ITFG2: variants seen among roughly 807,000 people sequenced by gnomAD.
ITFG2 encodes the protein KICSTOR complex protein ITFG2.
A neutral mutation model predicts 54.4 loss-of-function variants in ITFG2; 36 were observed. That is an observed-to-expected ratio of 0.66 (90% CI 0.51 to 0.87). The LOEUF (loss-of-function observed/expected upper bound fraction) is 0.87. ITFG2 is among the 40% of genes least tolerant of loss of function. ITFG2 has a pLI of 0.00. For missense variants in ITFG2, 524 were observed against 576.7 expected (o/e 0.91, Z 0.94); for synonymous variants, 211 against 225.4 (o/e 0.94, Z 0.57).
At chr12:2,856,450 C>T (rs1378735850) in intron 2 of ITFG2, among the ~76,000 whole-genome samples, 1 of 152,164 alleles carries the variant, frequency 6.6e-6, no homozygotes. Context: ...ACTGCAACCT[C>T]CACCTCCCGG....
At chr12:2,830,572 G>A (rs2097996388) in intron 2 of ITFG2, 3 of 913,700 alleles carry the variant, frequency 3.3e-6, no homozygotes, top group Non-Finnish European at 3.3e-6. Flanking sequence ...GAGGATCCTG[G>A]TTAGGTCCAG....
chr12:2,837,637 C>CA (rs914551389), intron 1 of ITFG2, among the ~76,000 whole-genome samples: 82 of 145,824 alleles, frequency 5.6e-4, no homozygotes, highest in Middle Eastern at 6.9e-3. Context: ...AACTCCGTCT[C>CA]AAAAAAAAAA....
Position 2,818,090 on chromosome 12 carries a change from C to T in ITFG2, c.235-16C>T. ...CCCTCCCCAGTCCATCTCTACTATA[C>T]CTCTGTTTGTCCTAGAACCTGTTGG... On this transcript the variant is annotated splice_polypyrimidine_tract_variant and intron_variant, in intron 3 of 11. Coordinates refer to ENST00000228799, the MANE Select transcript of ITFG2 (RefSeq NM_018463.4). The T allele has an allele frequency of 1.2e-6, 2 of 1,613,456 alleles. No individual in the cohort carries two copies. Among genetic ancestry groups the T allele is most frequent in the South Asian group, 1.1e-5 (1 of 91,080 alleles).
intron 2 of ITFG2, among the ~76,000 whole-genome samples, chr12:2,846,235 C>T (rs552619238): frequency 2.0e-5 from 3 of 152,314 alleles, no homozygotes; most frequent in African/African-American, 7.2e-5. Context: ...CTGGGAGCTT[C>T]TGGGTGGGCA....
At chr12:2,844,569 ATAAAT>A (rs1399131753) in intron 2 of ITFG2, among the ~76,000 whole-genome samples, 1 of 152,198 alleles carries the variant, frequency 6.6e-6, no homozygotes, top group Non-Finnish European at 1.5e-5. Flanking sequence ...AATAATTATA[ATAAAT>A]TAAATAATAG....
upstream of ITFG2, among the ~76,000 whole-genome samples, chr12:2,834,000 G>A (rs933815725): frequency 2.6e-5 from 4 of 152,260 alleles, no homozygotes; most frequent in East Asian, 1.9e-4. Context: ...GTTTTCCGCC[G>A]CCCACTCACA....
At chr12:2,813,827 C>T (rs2097915174) in intron 1 of ITFG2, among the ~76,000 whole-genome samples, 1 of 152,136 alleles carries the variant, frequency 6.6e-6, no homozygotes, top group Admixed American at 6.6e-5. Flanking sequence ...TCTACCCTCT[C>T]TGGGGAGGAA....
At chr12:2,839,799 T>C (rs1190143212) in intron 1 of ITFG2, among the ~76,000 whole-genome samples, 1 of 152,210 alleles carries the variant, frequency 6.6e-6, no homozygotes, top group Non-Finnish European at 1.5e-5. Flanking sequence ...TCATGTCCTC[T>C]GCAGCAACAT....
chr12:2,835,110 G>A (rs559476081), upstream of ITFG2: 21 of 1,434,272 alleles, frequency 1.5e-5, no homozygotes, highest in South Asian at 1.0e-4. Context: ...TGACTTGGCC[G>A]CATCCCCAAC....
chr12:2,848,816 A>T (rs1161263696), intron 2 of ITFG2, among the ~76,000 whole-genome samples: 1 of 151,818 alleles, frequency 6.6e-6, no homozygotes, highest in Admixed American at 6.6e-5. Context: ...GAGTGGAGAT[A>T]GCTTCTTCTT....
At chr12:2,830,251 G>T (rs1443496253) in intron 2 of ITFG2, 1 of 152,884 alleles carries the variant, frequency 6.5e-6, no homozygotes, top group African/African-American at 2.4e-5. Flanking sequence ...AGCAAGAAGA[G>T]CAATCCACAT....
chr12:2,854,818 G>C (rs1287497686), intron 2 of ITFG2: 2 of 1,403,648 alleles, frequency 1.4e-6, no homozygotes, highest in South Asian at 1.4e-5. Context: ...GTCCCGGTTA[G>C]AAACAGGAAC....
chr12:2,827,363 CT>C, downstream of ITFG2: 1 of 1,556,240 alleles, frequency 6.4e-7, no homozygotes. The surrounding 1 kb of genome is among the most constrained non-coding windows in gnomAD (Gnocchi z 4.0). Flanking sequence ...CGGCCTGCTC[CT>C]TTTGTTCCCC....
At chr12:2,840,884 C>T (rs10848711) in exon 2 of ITFG2, 35,015 of 152,210 alleles carry the variant, frequency 0.23, 5,331 homozygotes, top group African/African-American at 0.43. Context: ...AGTGGTGGAG[C>T]TGAGCTGGGC....
intron 2 of ITFG2, among the ~76,000 whole-genome samples, chr12:2,856,095 A>T (rs925752809): frequency 4.6e-5 from 7 of 152,054 alleles, no homozygotes; most frequent in Admixed American, 1.3e-4. Context: ...TGTGCTAAAT[A>T]CTTACATGGA....
chr12:2,825,760 C>T (rs977053253), downstream of ITFG2: 4 of 152,280 alleles, frequency 2.6e-5, no homozygotes, highest in African/African-American at 4.8e-5. Flanking sequence ...TCTTTCTCTG[C>T]TCCTTTTTTG....
At chr12:2,825,234 A>G (rs1181121982), downstream of ITFG2, 2 of 152,240 alleles carry the variant, frequency 1.3e-5, no homozygotes, top group East Asian at 1.9e-4. Flanking sequence ...CCCTAGTCAG[A>G]TGGGTCAGCC....
At chr12:2,848,896 C>G (rs1376898903) in intron 2 of ITFG2, 1 of 339,674 alleles carries the variant, frequency 2.9e-6, no homozygotes, top group Non-Finnish European at 5.4e-6. Context: ...CACACACACA[C>G]ACACACACAC....
At position 2,823,724 on chromosome 12, in the gene ITFG2, G is replaced by A. The variant is rs760021594; in HGVS notation, c.1067-46G>A. On this transcript the variant is annotated intron_variant, in intron 10 of 11. Transcript: ENST00000228799. ...GTCTTGCTGTCTGCCCCCCACTGTC[G>A]GCACTGAAACTTCCTGACCTTTATC... 20 of 1,505,502 alleles carry A rather than the reference G, an allele frequency of 1.3e-5. No homozygotes were observed. In the African/African-American group the frequency reaches 1.4e-4, roughly 10 times the overall value. 93.3% of individuals were successfully genotyped at this position (1,505,502 alleles called of 1,614,324 possible). A position where few individuals can be genotyped will look rare whatever the true frequency, so the allele number is the denominator to read the frequency against.
Sources: gnomAD v4.1 joint callset for allele counts (sites outside exome capture counted in the v4.1 genomes callset) on GRCh38, gnomAD v4.1.1 for gene constraint, Gnocchi (gnomAD v3.1) non-coding constraint, MANE v1.5 for transcripts, NCBI Gene and HGNC (gene_info 2026-07-23, HGNC 2026-07-21) for gene names.